Variants in OR2L13 observed in about 807,000 individuals in gnomAD.
OR2L13 encodes the protein olfactory receptor 2L13.
In OR2L13, 14 loss-of-function variants were observed where a neutral mutation model predicts 15.3. The observed-to-expected ratio is 0.91, with a 90% CI of 0.60 to 1.43. The LOEUF is 1.43. Among genes scored for constraint, OR2L13 ranks in the 40% most tolerant of loss-of-function variants. OR2L13 has a pLI of 0.00. For missense variants in OR2L13, 367 were observed against 387.9 expected (o/e 0.95, Z 0.45); for synonymous variants, 152 against 142.9 (o/e 1.06, Z -0.45).
chr1:247,967,107 T>C, the OR2L13 span, among the ~76,000 whole-genome samples: 7 of 148,716 alleles, frequency 4.7e-5, no homozygotes, highest in African/African-American at 1.7e-4. Context: ...TCTGACAAGT[T>C]CCTTTAAGGG....
the OR2L13 span, among the ~76,000 whole-genome samples, chr1:247,979,341 G>A: frequency 1.3e-5 from 2 of 151,984 alleles, no homozygotes; most frequent in Non-Finnish European, 2.9e-5. Flanking sequence ...GCCCCAGTGT[G>A]TGATGTTCCC....
the OR2L13 span, among the ~76,000 whole-genome samples, chr1:248,082,597 C>T: frequency 6.6e-6 from 1 of 152,168 alleles, no homozygotes; most frequent in East Asian, 1.9e-4. Flanking sequence ...GATAGCCTGT[C>T]TCTGATTGCA....
chr1:247,994,585 G>C, the OR2L13 span, among the ~76,000 whole-genome samples: 5 of 152,162 alleles, frequency 3.3e-5, no homozygotes, highest in Non-Finnish European at 7.4e-5. Flanking sequence ...GAAACAGAGA[G>C]TAAAATGGTG....
At chr1:247,957,752 G>C in the OR2L13 span, among the ~76,000 whole-genome samples, 1 of 152,170 alleles carries the variant, frequency 6.6e-6, no homozygotes, top group African/African-American at 2.4e-5. Flanking sequence ...AGTATTCTCT[G>C]ATGGTAGTTT....
the OR2L13 span, among the ~76,000 whole-genome samples, chr1:247,947,800 T>C: frequency 6.2e-4 from 95 of 152,322 alleles, no homozygotes; most frequent in East Asian, 0.014. Flanking sequence ...TATTCTAGGT[T>C]TCTAAATAGG....
the OR2L13 span, among the ~76,000 whole-genome samples, chr1:247,983,882 C>T: frequency 6.6e-6 from 1 of 152,216 alleles, no homozygotes; most frequent in Non-Finnish European, 1.5e-5. Flanking sequence ...GGAAGTGCTT[C>T]CCCTTTCGGG....
chr1:248,036,409 T>C, the OR2L13 span, among the ~76,000 whole-genome samples: 4 of 152,234 alleles, frequency 2.6e-5, no homozygotes, highest in South Asian at 2.1e-4. Flanking sequence ...TAACATATCA[T>C]AGACATCTTC....
At chr1:248,067,489 T>G in the OR2L13 span, among the ~76,000 whole-genome samples, 10 of 152,326 alleles carry the variant, frequency 6.6e-5, no homozygotes, top group African/African-American at 2.4e-4. Context: ...TTTTCTTTAA[T>G]AGCTAAATAA....
the OR2L13 span, among the ~76,000 whole-genome samples, chr1:247,981,870 C>T: frequency 6.6e-6 from 1 of 150,844 alleles, no homozygotes; most frequent in Non-Finnish European, 1.5e-5. Context: ...GGCTGGAGTG[C>T]AGTGGTGTGA....
chr1:247,955,717 T>TCA, the OR2L13 span, among the ~76,000 whole-genome samples: 115,846 of 145,798 alleles, frequency 0.79, 50,302 homozygotes, highest in Non-Finnish European at 0.95. Context: ...GAGCATTTTT[T>TCA]TTCTTTTGGC....
At chr1:247,948,902 G>T in the OR2L13 span, 1 of 1,613,002 alleles carries the variant, frequency 6.2e-7, no homozygotes, top group Non-Finnish European at 8.5e-7. Context: ...TCTTATTGGG[G>T]CTGTTTCCAC....
the OR2L13 span, among the ~76,000 whole-genome samples, chr1:247,998,025 A>T: frequency 6.6e-6 from 1 of 152,148 alleles, no homozygotes; most frequent in Admixed American, 6.5e-5. Flanking sequence ...TATGATGACT[A>T]CAGGACTGCC....
At chr1:248,099,155 C>A (rs1664793404) in intron 2 of OR2L13, among the ~76,000 whole-genome samples, 1 of 152,050 alleles carries the variant, frequency 6.6e-6, no homozygotes, top group Non-Finnish European at 1.5e-5. Flanking sequence ...TAATGAAAAT[C>A]AAACTATAAG....
At chr1:248,002,041 A>G in the OR2L13 span, among the ~76,000 whole-genome samples, 1 of 152,218 alleles carries the variant, frequency 6.6e-6, no homozygotes, top group African/African-American at 2.4e-5. Flanking sequence ...ATCTGTATAT[A>G]GTATTGGATT....
the OR2L13 span, among the ~76,000 whole-genome samples, chr1:248,072,588 C>T: frequency 6.6e-6 from 1 of 152,038 alleles, no homozygotes; most frequent in Non-Finnish European, 1.5e-5. Flanking sequence ...ATGTCTAAAA[C>T]ACCAAAAGCA....
chr1:247,994,384 G>C, the OR2L13 span, among the ~76,000 whole-genome samples: 736 of 152,084 alleles, frequency 4.8e-3, 4 homozygotes, highest in African/African-American at 0.012. Context: ...GCGACAGAGC[G>C]AGACTCCATC....
the OR2L13 span, among the ~76,000 whole-genome samples, chr1:247,941,058 T>C: frequency 6.6e-6 from 1 of 152,260 alleles, no homozygotes; most frequent in East Asian, 1.9e-4. Flanking sequence ...TCTTCAGAGA[T>C]GTGTCTGTTC....
chr1:248,075,966 G>A, the OR2L13 span, among the ~76,000 whole-genome samples: 6 of 152,104 alleles, frequency 3.9e-5, no homozygotes, highest in Admixed American at 2.0e-4. Flanking sequence ...TTCTTCTAGG[G>A]TTTTTATGGT....
At chr1:248,026,764 T>C in the OR2L13 span, among the ~76,000 whole-genome samples, 1 of 151,036 alleles carries the variant, frequency 6.6e-6, no homozygotes. Flanking sequence ...TGGACACTTA[T>C]CACTTCCCCA....
Sources: allele counts gnomAD v4.1 joint callset (sites outside exome capture counted in the v4.1 genomes callset), GRCh38; gene constraint gnomAD v4.1.1; transcripts MANE v1.5; gene names NCBI Gene and HGNC (gene_info 2026-07-23, HGNC 2026-07-21).